Variants in SCAF8 observed in about 807,000 individuals in gnomAD.
SCAF8 encodes SR-related and CTD-associated factor 8.
In SCAF8, 23 loss-of-function variants were observed where a neutral mutation model predicts 140.5. The ratio of observed to expected loss-of-function variants is 0.16; its 90% CI spans 0.12 to 0.23. The LOEUF is 0.23. Among genes scored for constraint, SCAF8 ranks in the 10% least tolerant of loss-of-function variants. SCAF8 has a pLI of 1.00. For synonymous variants in SCAF8, 575 were observed against 528.9 expected, an observed-to-expected ratio of 1.09 and a Z score of -1.20; for missense variants, 1,397 against 1,555.7, an observed-to-expected ratio of 0.90 and a Z score of 1.72.
intron 1 of SCAF8, among the ~76,000 whole-genome samples, chr6:154,753,273 C>G (rs545260667): frequency 6.6e-6 from 1 of 152,234 alleles, no homozygotes; most frequent in East Asian, 1.9e-4. Flanking sequence ...TGGGACCAGC[C>G]TAGTCAATAC....
rs773469792 is a variant in SCAF8 at position 154,833,191 on chromosome 6, T to C, written c.3612T>C (p.Ser1204=). ...RVFDYFEGAT[S]QRKGDNVPQV... ...TTGATTATTTTGAAGGGGCCACTTCTCAACGAAAAGGTGATAATGTGCCTC... is the reference window on the plus strand; with the variant it reads ...TTGATTATTTTGAAGGGGCCACTTCCCAACGAAAAGGTGATAATGTGCCTC... Residue 1204 remains serine (S), a synonymous_variant, in exon 20 of 20, where the codon TCT becomes TCC. Transcript: ENST00000367178. 4.3e-6 allele frequency: 7 copies of C among 1,614,090 alleles called. No homozygotes were observed. Among genetic ancestry groups the C allele is most frequent in the Non-Finnish European group, 5.9e-6 (7 of 1,179,988 alleles).
chr6:154,745,995 C>T (rs561453008), intron 1 of SCAF8, among the ~76,000 whole-genome samples: 4 of 152,220 alleles, frequency 2.6e-5, no homozygotes, highest in African/African-American at 7.2e-5. Flanking sequence ...AAGCGATTCT[C>T]GTGCCTCAGC....
At chr6:154,756,733 A>G (rs952570827) in intron 1 of SCAF8, among the ~76,000 whole-genome samples, 5 of 152,198 alleles carry the variant, frequency 3.3e-5, no homozygotes, top group African/African-American at 1.2e-4. Context: ...TTGCATTGAA[A>G]TACGTTCTTT....
chr6:154,750,072 A>G (rs1260926797), intron 1 of SCAF8, among the ~76,000 whole-genome samples: 1 of 150,134 alleles, frequency 6.7e-6, no homozygotes, highest in Non-Finnish European at 1.5e-5. Flanking sequence ...AAGATGGGCA[A>G]ATCAGGGAGA....
intron 6 of SCAF8, among the ~76,000 whole-genome samples, chr6:154,800,091 T>C (rs902545471): frequency 6.6e-6 from 1 of 151,426 alleles, no homozygotes; most frequent in Admixed American, 6.6e-5. Flanking sequence ...TGGCCGTGAC[T>C]GCTATTTAAA....
At chr6:154,759,043 C>T (rs1779035130) in intron 1 of SCAF8, among the ~76,000 whole-genome samples, 1 of 152,120 alleles carries the variant, frequency 6.6e-6, no homozygotes, top group Non-Finnish European at 1.5e-5. Flanking sequence ...CATGCACAGC[C>T]ACCCACCCCG....
Position 154,822,147 on chromosome 6 carries a change from C to T in SCAF8, c.1793-129C>T, listed in dbSNP as rs115856878. On this transcript the variant is annotated intron_variant, in intron 15 of 19. Transcript: ENST00000367178. ...GGGCAGAAATCTAGAGTGGCACCTA[C>T]GGTTGTGGATATATCTTAAAGATGT... The T allele has an allele frequency of 6.9e-4, 619 of 893,980 alleles. 5 individuals carry two copies. The South Asian group carries it at 8.1e-3, about 12-fold the overall frequency. 55.4% of individuals were successfully genotyped at this position (893,980 alleles called of 1,614,324 possible). A position where few individuals can be genotyped will look rare whatever the true frequency, so the allele number is the denominator to read the frequency against.
At chr6:154,775,166 G>A (rs1776881002) in intron 2 of SCAF8, among the ~76,000 whole-genome samples, 1 of 152,144 alleles carries the variant, frequency 6.6e-6, no homozygotes, top group African/African-American at 2.4e-5. Context: ...CAGTTTTCTA[G>A]TGGCTAAAGC....
At chr6:154,812,725 C>T (rs1204353638) in intron 12 of SCAF8, among the ~76,000 whole-genome samples, 3 of 152,192 alleles carry the variant, frequency 2.0e-5, no homozygotes, top group African/African-American at 7.2e-5. Context: ...TAATAACATT[C>T]CAGGAATCAA....
At chr6:154,825,667 A>AAG (rs2114685371) in intron 17 of SCAF8, among the ~76,000 whole-genome samples, 1 of 151,394 alleles carries the variant, frequency 6.6e-6, no homozygotes, top group African/African-American at 2.4e-5. Flanking sequence ...AAAAAAAAAA[A>AAG]AAAAAAAAAG....
Position 154,822,361 on chromosome 6 carries a change from G to A in SCAF8, c.1878G>A (p.Val626=), listed in dbSNP as rs202078190. 1 of 1,613,716 alleles carries A rather than the reference G, an allele frequency of 6.2e-7. No homozygotes were observed. Among genetic ancestry groups the A allele is most frequent in the East Asian group, 2.2e-5 (1 of 44,874 alleles). ...QSPTPVEKET[V]VTTQAEVFPP... is the part of the protein sequence containing the mutation. ...CAACTCCAGTTGAAAAGGAGACAGT[G>A]GTCACAACCCAGGCAGAGGTTTTCC... Residue 626 remains valine (V), a synonymous_variant, in exon 16 of 20, where the codon GTG becomes GTA. Coordinates refer to ENST00000367178, the MANE Select transcript of SCAF8 (RefSeq NM_014892.5).
chr6:154,748,794 T>C (rs1322945193), intron 1 of SCAF8, among the ~76,000 whole-genome samples: 1 of 152,206 alleles, frequency 6.6e-6, no homozygotes, highest in Non-Finnish European at 1.5e-5. Context: ...CTAAAGGAGT[T>C]GTTTAGAGGC....
In SCAF8 at chr6:154,832,809, A is replaced by T. The variant is rs750339472; in HGVS notation, c.3230A>T (p.Asp1077Val). 1.9e-6 allele frequency: 3 copies of T among 1,613,978 alleles called. No individual in the cohort carries two copies. The highest frequency in any genetic ancestry group is 2.5e-6 in the Non-Finnish European group (3 of 1,179,994). Residue 1077 changes from aspartate to valine, a missense_variant, in exon 20 of 20, where the codon GAT becomes GTT. This residue lies in a region of SCAF8 where 930 missense variants were observed against 874.6 expected (regional missense o/e 1.06). Transcript: ENST00000367178. The stretch of plus-strand genomic sequence containing the variant: ...GAGAATCTTGTGAGGCCAGGTATAG[A>T]TCATCTTGGTCGAAGAGACCACTTT... ...IRENLVRPGI[D>V]HLGRRDHFGF...
At chr6:154,795,547 T>A (rs1488925804) in intron 6 of SCAF8, among the ~76,000 whole-genome samples, 1 of 151,992 alleles carries the variant, frequency 6.6e-6, no homozygotes, top group East Asian at 1.9e-4. Flanking sequence ...GTGACTAGAT[T>A]TGGGGGAAGG....
chr6:154,825,655 CAAAAAAAAAAA>C (rs34342159), intron 17 of SCAF8, among the ~76,000 whole-genome samples: 2 of 64,354 alleles, frequency 3.1e-5, no homozygotes, highest in East Asian at 4.8e-4. Context: ...GACCTTGTCT[CAAAAAAAAAAA>C]AAAAAAAAAA....
chr6:154,768,051 A>G (rs1406561627), intron 1 of SCAF8, among the ~76,000 whole-genome samples: 3 of 152,194 alleles, frequency 2.0e-5, no homozygotes, highest in African/African-American at 7.2e-5. Flanking sequence ...TGCATTTTCA[A>G]TACAAGATAA....
intron 1 of SCAF8, among the ~76,000 whole-genome samples, chr6:154,743,272 A>G (rs1016876424): frequency 6.6e-6 from 1 of 152,242 alleles, no homozygotes; most frequent in Admixed American, 6.5e-5. Flanking sequence ...AAATATGACT[A>G]GCTACATTGT....
chr6:154,748,614 C>G (rs919061634), intron 1 of SCAF8, among the ~76,000 whole-genome samples: 1 of 151,974 alleles, frequency 6.6e-6, no homozygotes. Flanking sequence ...TTTTCTTTAA[C>G]ATCAAGAAAT....
At chr6:154,827,263 T>G in intron 18 of SCAF8, 23 bp downstream of exon 18, 1 of 1,533,722 alleles carries the variant, frequency 6.5e-7, no homozygotes, top group Admixed American at 1.9e-5. Context: ...CTTTTAGAGT[T>G]TTCTTTATTC....
Sources: allele counts gnomAD v4.1 joint callset (sites outside exome capture counted in the v4.1 genomes callset), GRCh38; gene constraint gnomAD v4.1.1; regional missense constraint gnomAD v4.1.1; transcripts MANE v1.5; gene names NCBI Gene and HGNC (gene_info 2026-07-23, HGNC 2026-07-21).